Variants in KCNQ5 observed in about 807,000 individuals in gnomAD.
The protein encoded by KCNQ5 is potassium voltage-gated channel subfamily KQT member 5.
KCNQ5 carries 30 observed loss-of-function variants against 98.2 expected under a neutral mutation model. That is an observed-to-expected ratio of 0.31 (90% CI 0.23 to 0.41). The LOEUF (loss-of-function observed/expected upper bound fraction) is 0.41. Ranked by LOEUF, KCNQ5 falls within the 10% of genes least tolerant of loss-of-function variation. KCNQ5 has a pLI of 1.00. For synonymous variants in KCNQ5, 458 were observed against 449.4 expected (o/e 1.02, Z -0.24); for missense variants, 835 against 1,182.5 (o/e 0.71, Z 4.31).
At chr6:73,025,165 A>G (rs755116323) in intron 2 of KCNQ5, among the ~76,000 whole-genome samples, 12 of 152,206 alleles carry the variant, frequency 7.9e-5, no homozygotes, top group Non-Finnish European at 1.3e-4. Context: ...AATTCTCTCT[A>G]TTGTCATATT....
chr6:73,004,268 T>A (rs1165419156), intron 2 of KCNQ5, among the ~76,000 whole-genome samples: 1 of 152,220 alleles, frequency 6.6e-6, no homozygotes, highest in Non-Finnish European at 1.5e-5. Flanking sequence ...AGAAAGCAGT[T>A]TTAAGTATGT....
chr6:73,123,449 G>C (rs1006476650), intron 8 of KCNQ5, among the ~76,000 whole-genome samples: 3 of 152,128 alleles, frequency 2.0e-5, no homozygotes, highest in Non-Finnish European at 4.4e-5. Context: ...GGATGAAAGA[G>C]AGGTCTAAGA....
At chr6:73,091,755 GT>G (rs1226964170) in intron 5 of KCNQ5, among the ~76,000 whole-genome samples, 1 of 41,886 alleles carries the variant, frequency 2.4e-5, no homozygotes, top group Non-Finnish European at 7.7e-5. Flanking sequence ...GGTTGGTTGG[GT>G]TTTTTGTTGG....
chr6:72,693,295 AGT>A (rs1238377471), intron 1 of KCNQ5, among the ~76,000 whole-genome samples: 1 of 152,050 alleles, frequency 6.6e-6, no homozygotes, highest in Non-Finnish European at 1.5e-5. Flanking sequence ...TAATCAGGAG[AGT>A]GTGTTTGGGA....
chr6:72,910,887 A>G lies in KCNQ5; in HGVS notation c.399-93021A>G, dbSNP rs146561567. 3.9e-5 allele frequency among the ~76,000 whole-genome samples: 6 copies of G among 152,290 alleles called. No homozygotes were observed. The East Asian group carries it at 1.2e-3, about 29-fold the overall frequency. Reference sequence around the variant, plus strand: ...AGCTTCATATCAGCTGACCACCACAAGAACCCATAAATGGAAGATACATGT... The same window carrying G: ...AGCTTCATATCAGCTGACCACCACAGGAACCCATAAATGGAAGATACATGT... On this transcript the variant is annotated intron_variant, in intron 1 of 13. Transcript: ENST00000370398.
chr6:72,634,113 A>G (rs1198511004), intron 1 of KCNQ5, among the ~76,000 whole-genome samples: 1 of 152,230 alleles, frequency 6.6e-6, no homozygotes, highest in Non-Finnish European at 1.5e-5. Flanking sequence ...GGCTCCTCAT[A>G]TCAGATGGGT....
At position 72,720,752 on chromosome 6, in the gene KCNQ5, A is replaced by G. The variant is rs151185712; in HGVS notation, c.398+98165A>G. Among the ~76,000 whole-genome samples, 630 of 152,328 alleles carry G rather than the reference A, an allele frequency of 4.1e-3. 3 individuals are homozygous for G. Among genetic ancestry groups the G allele is most frequent in the Non-Finnish European group, 6.4e-3 (433 of 68,026 alleles). On this transcript the variant is annotated intron_variant, in intron 1 of 13. Transcript: ENST00000370398. ...CTCGTCTTCTTATTTTCAGTCTGAG[A>G]AAATGCAGACCATGGAGATTAAGGG...
At chr6:73,184,916 C>T (rs942905443) in intron 11 of KCNQ5, among the ~76,000 whole-genome samples, 2 of 152,198 alleles carry the variant, frequency 1.3e-5, no homozygotes, top group African/African-American at 2.4e-5. Context: ...TCACCATTCA[C>T]TACCCTCTTC....
At chr6:72,787,880 A>G (rs1312836621) in intron 1 of KCNQ5, among the ~76,000 whole-genome samples, 1 of 152,192 alleles carries the variant, frequency 6.6e-6, no homozygotes, top group Non-Finnish European at 1.5e-5. Context: ...TCTCTCTAAC[A>G]TGATTTTGTT....
intron 12 of KCNQ5, among the ~76,000 whole-genome samples, chr6:73,191,181 G>C (rs1051874177): frequency 3.3e-5 from 5 of 151,940 alleles, no homozygotes; most frequent in Non-Finnish European, 5.9e-5. Flanking sequence ...CTGTGAAGAC[G>C]GGCCTTTCTC....
At chr6:72,961,342 T>A (rs1490849786) in intron 1 of KCNQ5, among the ~76,000 whole-genome samples, 1 of 151,564 alleles carries the variant, frequency 6.6e-6, no homozygotes, top group Admixed American at 6.6e-5. Context: ...GGAGGCCGGG[T>A]GCGGTGGCTC....
At chr6:73,081,198 T>A (rs1773750990) in intron 5 of KCNQ5, among the ~76,000 whole-genome samples, 1 of 152,198 alleles carries the variant, frequency 6.6e-6, no homozygotes, top group African/African-American at 2.4e-5. Flanking sequence ...TGAAAAGATG[T>A]CCTGGGTTCT....
At chr6:73,024,673 T>G (rs931231324) in intron 2 of KCNQ5, among the ~76,000 whole-genome samples, 1 of 152,224 alleles carries the variant, frequency 6.6e-6, no homozygotes, top group South Asian at 2.1e-4. Context: ...GTTTTAATTA[T>G]AAGATGGAAA....
chr6:72,923,925 C>G (rs1364438642), intron 1 of KCNQ5, among the ~76,000 whole-genome samples: 1 of 152,030 alleles, frequency 6.6e-6, no homozygotes, highest in African/African-American at 2.4e-5. Flanking sequence ...CAGTTTTTGT[C>G]TTAGGGGATA....
chr6:72,975,604 T>A (rs7774630), intron 1 of KCNQ5, among the ~76,000 whole-genome samples: 13,392 of 152,208 alleles, frequency 0.088, 1,157 homozygotes, highest in African/African-American at 0.23. Context: ...TATGGTTATT[T>A]CTCTCTGGAG....
intron 1 of KCNQ5, among the ~76,000 whole-genome samples, chr6:72,660,208 C>T (rs1168849112): frequency 6.6e-6 from 1 of 152,180 alleles, no homozygotes; most frequent in Middle Eastern, 3.2e-3. Context: ...AGCCAATTCT[C>T]ATTTTATCCC....
intron 2 of KCNQ5, among the ~76,000 whole-genome samples, chr6:73,015,229 A>G (rs1231191699): frequency 6.6e-6 from 1 of 152,116 alleles, no homozygotes; most frequent in Non-Finnish European, 1.5e-5. Context: ...CCCAATGAAC[A>G]TTGAAAACTG....
At chr6:72,791,666 A>C (rs1285064527) in intron 1 of KCNQ5, among the ~76,000 whole-genome samples, 1 of 152,178 alleles carries the variant, frequency 6.6e-6, no homozygotes, top group Non-Finnish European at 1.5e-5. Flanking sequence ...AGAATACTTG[A>C]GACTGGGTGA....
At chr6:73,163,518 C>T (rs995747066) in intron 10 of KCNQ5, among the ~76,000 whole-genome samples, 8 of 152,030 alleles carry the variant, frequency 5.3e-5, no homozygotes, top group African/African-American at 1.2e-4. Context: ...AGGTCGAGGC[C>T]GGTGGATCAC....
Sources: allele counts gnomAD v4.1 joint callset (sites outside exome capture counted in the v4.1 genomes callset), GRCh38; gene constraint gnomAD v4.1.1; transcripts MANE v1.5; gene names NCBI Gene and HGNC (gene_info 2026-07-23, HGNC 2026-07-21).